USP26: variants seen among roughly 807,000 people sequenced by gnomAD.
The protein encoded by USP26 is ubiquitin specific peptidase 26.
For synonymous variants in USP26, 236 were observed against 240.6 expected (o/e 0.98, Z 0.18); for missense variants, 649 against 642.3 (o/e 1.01, Z -0.11).
Position 133,026,898 on chromosome X carries a change from C to T in USP26, c.1323G>A (p.Glu441=). The stretch of plus-strand genomic sequence containing the variant: ...CTTTACAAGCAATGGAGTGCAACAA[C>T]TCTAACTCAAAATTAGTAATGACAG... The part of the protein sequence containing the change: ...SCPVITNFEL[E]LLHSIACKAC... Residue 441 remains glutamate (E), a synonymous_variant, in exon 6 of 6, where the codon GAG becomes GAA. Transcript: ENST00000511190. The T allele has an allele frequency of 8.3e-7, 1 of 1,211,439 alleles. No homozygotes were observed.
intron 5 of USP26, among the ~76,000 whole-genome samples, chrX:133,044,698 C>T (rs919839078): frequency 7.1e-5 from 8 of 113,225 alleles, no homozygotes; most frequent in Admixed American, 1.8e-4. Flanking sequence ...CAAGCCTCCC[C>T]GACGAGCGTC....
intron 5 of USP26, among the ~76,000 whole-genome samples, chrX:133,039,697 T>A (rs1160948938): frequency 8.9e-5 from 10 of 111,864 alleles, no homozygotes; most frequent in African/African-American, 3.3e-4. Context: ...TCTGTAGATA[T>A]CTATTAGGTC....
chrX:133,064,717 G>A (rs905230752), intron 5 of USP26, among the ~76,000 whole-genome samples: 1 of 111,626 alleles, frequency 9.0e-6, no homozygotes, highest in Non-Finnish European at 1.9e-5. Flanking sequence ...CTGGGACACA[G>A]CTACTAAGCA....
At chrX:133,035,155 A>G (rs748121290) in intron 5 of USP26, among the ~76,000 whole-genome samples, 2 of 111,747 alleles carry the variant, frequency 1.8e-5, no homozygotes, top group Non-Finnish European at 3.8e-5. Flanking sequence ...ATGATACTGA[A>G]AGAATCCCAC....
In USP26 at chrX:133,027,190, C is replaced by T. The variant is rs762843998; in HGVS notation, c.1031G>A (p.Arg344Gln). The T allele has an allele frequency of 8.3e-6, 10 of 1,207,559 alleles. No individual in the cohort carries two copies. The highest frequency in any genetic ancestry group is 1.8e-5 in the South Asian group (1 of 56,589). The change falls in exon 6 of 6, where the codon CGG becomes CAG. Residue 344 changes from arginine (R) to glutamine (Q), a missense_variant. Coordinates refer to ENST00000511190, the MANE Select transcript of USP26 (RefSeq NM_031907.3). ...PLNALTMCLA[R>Q]LLFFKDTYNI... ...ATAGGTATCTTTAAAAAAAAGTAGC[C>T]GTGCCAAGCACATGGTAAGAGCATT...
chrX:133,088,310 C>T (rs914693463), intron 4 of USP26, among the ~76,000 whole-genome samples: 1 of 111,279 alleles, frequency 9.0e-6, no homozygotes, highest in African/African-American at 3.3e-5. Context: ...GGGATGGTTT[C>T]GGGATAAAAT....
At chrX:133,065,661 G>A (rs889955640) in intron 5 of USP26, among the ~76,000 whole-genome samples, 8 of 111,780 alleles carry the variant, frequency 7.2e-5, no homozygotes, top group Admixed American at 1.9e-4. Flanking sequence ...AAAGGCCTTC[G>A]ATAAAATCCA....
chrX:133,062,765 A>G (rs985474523), intron 5 of USP26, among the ~76,000 whole-genome samples: 5 of 110,985 alleles, frequency 4.5e-5, no homozygotes, highest in Non-Finnish European at 7.6e-5. Flanking sequence ...TAAATCCACA[A>G]AGATGAGGAA....
intron 5 of USP26, among the ~76,000 whole-genome samples, chrX:133,066,140 T>C (rs1453966008): frequency 9.1e-6 from 1 of 110,368 alleles, no homozygotes; most frequent in African/African-American, 3.3e-5. Context: ...ACAAAGATAA[T>C]AAAACACCTA....
chrX:133,054,397 C>T (rs1301589018), intron 5 of USP26, among the ~76,000 whole-genome samples: 1 of 111,614 alleles, frequency 9.0e-6, no homozygotes, highest in Non-Finnish European at 1.9e-5. Flanking sequence ...CATACCTAAA[C>T]TGAAATGGAT....
At chrX:133,092,365 G>A (rs773194049) in intron 1 of USP26, among the ~76,000 whole-genome samples, 2 of 111,822 alleles carry the variant, frequency 1.8e-5, no homozygotes, top group South Asian at 3.7e-4. Context: ...TTTTGAAATC[G>A]GAGGTTTGAG....
intron 4 of USP26, among the ~76,000 whole-genome samples, chrX:133,089,622 G>T (rs1295472623): frequency 8.9e-6 from 1 of 111,937 alleles, no homozygotes; most frequent in Non-Finnish European, 1.9e-5. Context: ...AAGGAAGGTG[G>T]GAGAGGTGCT....
At chrX:133,039,296 C>T (rs778505912) in intron 5 of USP26, among the ~76,000 whole-genome samples, 6 of 111,748 alleles carry the variant, frequency 5.4e-5, no homozygotes, top group Admixed American at 9.5e-5. Flanking sequence ...CTGATGTGGG[C>T]ATTTCGTGCT....
intron 5 of USP26, among the ~76,000 whole-genome samples, chrX:133,080,013 G>C (rs539713309): frequency 8.1e-5 from 9 of 111,421 alleles, no homozygotes; most frequent in Middle Eastern, 9.3e-3. Flanking sequence ...TTAGTGTCCA[G>C]AGGAAAGGCA....
chrX:133,073,158 C>A (rs771751434), intron 5 of USP26, among the ~76,000 whole-genome samples: 1 of 110,033 alleles, frequency 9.1e-6, no homozygotes, highest in Non-Finnish European at 1.9e-5. Context: ...ACCAGTACTC[C>A]ATTCACAGAG....
intron 5 of USP26, among the ~76,000 whole-genome samples, chrX:133,042,735 G>A (rs2067424134): frequency 8.9e-6 from 1 of 112,223 alleles, no homozygotes; most frequent in South Asian, 3.7e-4. Context: ...CAAGCAAGGA[G>A]TGCTTCCACC....
At position 133,027,088 on chromosome X, in the gene USP26, T is replaced by C. The variant is rs143278080; in HGVS notation, c.1133A>G (p.Asn378Ser). Reference sequence around the variant, plus strand: ...AAACTCATGAGCATCGTTCTGTGCATTGCCATGGAATATCTCTGCAGCTGC... The same window carrying C: ...AAACTCATGAGCATCGTTCTGTGCACTGCCATGGAATATCTCTGCAGCTGC... Reference protein sequence around the residue: ...ISAAAEIFHGNAQNDAHEFLA... With the variant: ...ISAAAEIFHGSAQNDAHEFLA... The change falls in exon 6 of 6, where the codon AAT becomes AGT. Residue 378 changes from asparagine to serine, a missense_variant. Physicochemically the swap from Asn to Ser is conservative, Grantham distance 46 (BLOSUM62 1). Transcript: ENST00000511190. The C allele has an allele frequency of 1.2e-5, 15 of 1,209,173 alleles. No homozygotes were observed. The highest frequency in any genetic ancestry group is 1.0e-4 in the African/African-American group (6 of 57,196).
At chrX:133,029,333 T>C (rs1470139110) in intron 5 of USP26, among the ~76,000 whole-genome samples, 1 of 112,608 alleles carries the variant, frequency 8.9e-6, no homozygotes, top group Non-Finnish European at 1.9e-5. Context: ...ATTATCAAAA[T>C]CTTAAAATTG....
At chrX:133,045,077 C>G (rs777897415) in intron 5 of USP26, among the ~76,000 whole-genome samples, 10 of 112,141 alleles carry the variant, frequency 8.9e-5, no homozygotes, top group African/African-American at 3.2e-4. Flanking sequence ...TGCTCTGTGT[C>G]TAGCTGATCT....
Sources: gnomAD v4.1 joint callset for allele counts (sites outside exome capture counted in the v4.1 genomes callset) on GRCh38, gnomAD v4.1.1 for gene constraint, MANE v1.5 for transcripts, NCBI Gene and HGNC (gene_info 2026-07-23, HGNC 2026-07-21) for gene names.